The following EPHB1 variants were observed in gnomAD, a reference collection of about 807,000 sequenced individuals.
The protein encoded by EPHB1 is ephrin type-B receptor 1.
A neutral mutation model predicts 94.4 loss-of-function variants in EPHB1; 30 were observed. That is an observed-to-expected ratio of 0.32 (90% CI 0.24 to 0.43). EPHB1 has a LOEUF of 0.43. Ranked by LOEUF, EPHB1 falls within the 20% of genes least tolerant of loss-of-function variation. EPHB1 has a pLI of 1.00. For missense variants in EPHB1, 1,055 were observed against 1,308.3 expected, an observed-to-expected ratio of 0.81 and a Z score of 2.99; for synonymous variants, 522 against 489.1, an observed-to-expected ratio of 1.07 and a Z score of -0.89.
chr3:134,955,082 T>TTTTTTTC lies in EPHB1; in HGVS notation c.805+3036_805+3037insCTTTTTT, dbSNP rs1228695958. ...TCCTGACATCCTTTCTTTTTTTTTT[T>TTTTTTTC]TTTTTTTTTTTTTTTTTTTTTAATT... is the stretch of plus-strand genomic sequence containing the variant. On this transcript the variant is annotated intron_variant, in intron 3 of 15. Coordinates refer to ENST00000398015, the MANE Select transcript of EPHB1 (RefSeq NM_004441.5). Among the ~76,000 whole-genome samples the TTTTTTTC allele has an allele frequency of 3.8e-4, 12 of 31,890 alleles. 2 individuals are homozygous for TTTTTTTC. Among genetic ancestry groups the TTTTTTTC allele is most frequent in the Non-Finnish European group, 6.5e-4 (11 of 17,038 alleles). 20.9% of individuals were successfully genotyped at this position (31,890 alleles called of 152,430 possible). A position where few individuals can be genotyped will look rare whatever the true frequency, so the allele number is the denominator to read the frequency against.
At chr3:134,984,536 G>T (rs1934525015) in intron 3 of EPHB1, among the ~76,000 whole-genome samples, 1 of 152,178 alleles carries the variant, frequency 6.6e-6, no homozygotes, top group African/African-American at 2.4e-5. Flanking sequence ...TGGGATAGGG[G>T]AATCAGCTAC....
chr3:134,945,792 A>T (rs1374277371), intron 2 of EPHB1, among the ~76,000 whole-genome samples: 3 of 152,216 alleles, frequency 2.0e-5, no homozygotes, highest in Admixed American at 1.3e-4. Flanking sequence ...TGAATGGAAG[A>T]TCTTTAGGAA....
intron 3 of EPHB1, among the ~76,000 whole-genome samples, chr3:134,957,101 A>G (rs1246816174): frequency 1.3e-5 from 2 of 151,840 alleles, no homozygotes; most frequent in African/African-American, 4.8e-5. Context: ...GAGAGAGAAG[A>G]CTCTCCAAGC....
chr3:134,861,451 C>A (rs777406316), intron 1 of EPHB1, among the ~76,000 whole-genome samples: 1 of 152,104 alleles, frequency 6.6e-6, no homozygotes, highest in Non-Finnish European at 1.5e-5. Context: ...CAGTGAGCCT[C>A]CAAGTGTAGA....
chr3:135,037,332 G>T (rs1936678809), intron 3 of EPHB1, among the ~76,000 whole-genome samples: 1 of 152,224 alleles, frequency 6.6e-6, no homozygotes, highest in East Asian at 1.9e-4. Flanking sequence ...CCTGGTCTTG[G>T]CCTTGAAAAC....
At chr3:134,991,971 G>C (rs1934820513) in intron 3 of EPHB1, among the ~76,000 whole-genome samples, 1 of 152,130 alleles carries the variant, frequency 6.6e-6, no homozygotes, top group Non-Finnish European at 1.5e-5. Context: ...GGTAAATCTA[G>C]AAGCAGGCCC....
Position 134,974,436 on chromosome 3 carries a change from G to C in EPHB1, c.805+22384G>C, listed in dbSNP as rs146655129. 1.1e-3 allele frequency among the ~76,000 whole-genome samples: 162 copies of C among 152,220 alleles called. 1 individual carries two copies. The highest frequency in any genetic ancestry group is 4.6e-3 in the Admixed American group (70 of 15,304). ...GGATTGATAGTAATCTATTTCCTAG[G>C]GTGTTATGGGAATTGAGTGAATTAA... On this transcript the variant is annotated intron_variant, in intron 3 of 15. Coordinates refer to ENST00000398015, the MANE Select transcript of EPHB1 (RefSeq NM_004441.5).
At chr3:135,165,138 A>G (rs1234349837) in intron 7 of EPHB1, among the ~76,000 whole-genome samples, 1 of 152,208 alleles carries the variant, frequency 6.6e-6, no homozygotes, top group East Asian at 1.9e-4. Flanking sequence ...CAATACCAAT[A>G]CTAGCCAGCT....
intron 5 of EPHB1, among the ~76,000 whole-genome samples, chr3:135,143,896 T>C (rs1186318141): frequency 6.6e-6 from 1 of 152,214 alleles, no homozygotes; most frequent in Non-Finnish European, 1.5e-5. Flanking sequence ...TGTGGAAAAC[T>C]GCCAGGTTGC....
chr3:134,918,960 A>T (rs1210312641), intron 1 of EPHB1, among the ~76,000 whole-genome samples: 2 of 152,232 alleles, frequency 1.3e-5, no homozygotes, highest in African/African-American at 2.4e-5. Context: ...TTACATTATC[A>T]GACAATGAAG....
intron 14 of EPHB1, among the ~76,000 whole-genome samples, chr3:135,248,901 C>T (rs186981761): frequency 6.6e-6 from 1 of 151,976 alleles, no homozygotes; most frequent in East Asian, 1.9e-4. Context: ...CAATGGGTCT[C>T]ACTGCTCCAT....
intron 1 of EPHB1, among the ~76,000 whole-genome samples, chr3:134,868,506 AG>A (rs528769030): frequency 5.1e-4 from 78 of 152,310 alleles, no homozygotes; most frequent in Middle Eastern, 3.4e-3. Flanking sequence ...AGAGGAAGTA[AG>A]GTGCTTATGC....
chr3:135,167,041 C>T (rs1304588883), intron 9 of EPHB1, 35 bp downstream of exon 9: 37 of 1,610,930 alleles, frequency 2.3e-5, no homozygotes, highest in Non-Finnish European at 3.0e-5. Flanking sequence ...GTCTGACCCC[C>T]ACAGGCCACT....
intron 3 of EPHB1, among the ~76,000 whole-genome samples, chr3:135,052,261 C>G (rs1435884561): frequency 6.6e-6 from 1 of 152,070 alleles, no homozygotes; most frequent in Non-Finnish European, 1.5e-5. Flanking sequence ...GAATGCATTT[C>G]TGGTGTGTGT....
intron 3 of EPHB1, among the ~76,000 whole-genome samples, chr3:135,062,714 T>C (rs1056375293): frequency 2.0e-5 from 3 of 152,184 alleles, no homozygotes; most frequent in South Asian, 4.1e-4. Flanking sequence ...TTTATCTTTG[T>C]TTTCATTGCA....
chr3:135,165,853 G>C (rs1941638671), intron 7 of EPHB1, 115 bp from the exon 8 acceptor site: 1 of 679,452 alleles, frequency 1.5e-6, no homozygotes, highest in Non-Finnish European at 2.5e-6. Context: ...CTGACACATA[G>C]AAACTATCCT....
chr3:135,192,072 G>T (rs1450481492), intron 10 of EPHB1, among the ~76,000 whole-genome samples: 1 of 152,218 alleles, frequency 6.6e-6, no homozygotes, highest in Non-Finnish European at 1.5e-5. Context: ...TAACTCCTCA[G>T]TGTCTGTTTT....
At chr3:135,096,894 G>A (rs7372156) in intron 3 of EPHB1, among the ~76,000 whole-genome samples, 11,943 of 152,052 alleles carry the variant, frequency 0.079, 729 homozygotes, top group East Asian at 0.32. Context: ...TCGGGAGATC[G>A]AGACCATCCT....
Position 135,259,444 on chromosome 3 carries a change from C to T in EPHB1, c.*324C>T, listed in dbSNP as rs371279982. On this transcript the variant is annotated 3_prime_UTR_variant, in exon 16 of 16. Coordinates refer to ENST00000398015, the MANE Select transcript of EPHB1 (RefSeq NM_004441.5). ...CCATTCTCAGTGGGCTGCAGTTGCCCAACCACAGGAAGAAAGGGAAGGAGG... is the reference window on the plus strand; with the variant it reads ...CCATTCTCAGTGGGCTGCAGTTGCCTAACCACAGGAAGAAAGGGAAGGAGG... 1.3e-3 allele frequency: 296 copies of T among 232,660 alleles called. 1 individual carries two copies. Among genetic ancestry groups the T allele is most frequent in the African/African-American group, 6.4e-3 (289 of 44,934 alleles). The allele number at this position is 232,660 out of a possible 1,614,324, so 14.4% of individuals were successfully genotyped here.
Sources: allele counts gnomAD v4.1 joint callset (sites outside exome capture counted in the v4.1 genomes callset), GRCh38; gene constraint gnomAD v4.1.1; transcripts MANE v1.5; gene names NCBI Gene and HGNC (gene_info 2026-07-23, HGNC 2026-07-21).